The following NELL1 variants were observed in gnomAD, a reference collection of about 807,000 sequenced individuals.
The protein encoded by NELL1 is neural EGFL like 1.
Under a neutral mutation model 107.4 loss-of-function variants are expected in NELL1, and 76 were observed. That is an observed-to-expected ratio of 0.71 (90% CI 0.59 to 0.86). The LOEUF (loss-of-function observed/expected upper bound fraction) is 0.86. NELL1 is among the 40% of genes least tolerant of loss of function. The pLI is 0.00. For missense variants in NELL1, 1,024 were observed against 1,005.5 expected (o/e 1.02, Z -0.25); for synonymous variants, 353 against 341.2 (o/e 1.03, Z -0.38).
chr11:21,394,194 AT>A (rs773488609), intron 15 of NELL1, among the ~76,000 whole-genome samples: 2 of 151,576 alleles, frequency 1.3e-5, no homozygotes, highest in East Asian at 2.0e-4. Flanking sequence ...CCAATTTGCT[AT>A]TTAAAAAATC....
At chr11:20,970,628 G>A (rs1851480059) in intron 12 of NELL1, among the ~76,000 whole-genome samples, 1 of 152,152 alleles carries the variant, frequency 6.6e-6, no homozygotes, top group Non-Finnish European at 1.5e-5. Context: ...GCAAGAAGAG[G>A]TATGCAGGAA....
In NELL1 at chr11:20,818,987, C is replaced by T. The variant is rs745469538; in HGVS notation, c.336-28596C>T. Among the ~76,000 whole-genome samples the T allele has an allele frequency of 2.6e-5, 4 of 152,190 alleles. No homozygotes were observed. In the East Asian group the frequency reaches 7.7e-4, roughly 29 times the overall value. On this transcript the variant is annotated intron_variant, in intron 3 of 19. Coordinates refer to ENST00000357134, the MANE Select transcript of NELL1 (RefSeq NM_006157.5). ...AGGAAACTGAAGCACAGATTGTTGGCTGCTTTGCCAAGAGTCACCCAGCTA... is the reference window on the plus strand; with the variant it reads ...AGGAAACTGAAGCACAGATTGTTGGTTGCTTTGCCAAGAGTCACCCAGCTA...
intron 9 of NELL1, among the ~76,000 whole-genome samples, chr11:20,929,843 G>A (rs889131946): frequency 9.2e-5 from 14 of 151,996 alleles, no homozygotes; most frequent in Non-Finnish European, 1.6e-4. Context: ...GTGGTGGTGG[G>A]CACCTGTAAT....
intron 8 of NELL1, among the ~76,000 whole-genome samples, chr11:20,927,872 T>G (rs991874731): frequency 1.3e-5 from 2 of 152,244 alleles, no homozygotes; most frequent in South Asian, 2.1e-4. Flanking sequence ...TTGCAAGGCA[T>G]TTCCTCCCTG....
intron 2 of NELL1, among the ~76,000 whole-genome samples, chr11:20,740,849 C>G (rs1437715966): frequency 6.6e-6 from 1 of 151,974 alleles, no homozygotes; most frequent in Non-Finnish European, 1.5e-5. Flanking sequence ...TGGATTCAAA[C>G]TCCTGGGCCC....
At chr11:20,957,903 TGAGAGC>T (rs1851210538) in intron 11 of NELL1, among the ~76,000 whole-genome samples, 2 of 151,844 alleles carry the variant, frequency 1.3e-5, no homozygotes, top group Non-Finnish European at 2.9e-5. Context: ...ATAACACAGA[TGAGAGC>T]TTGAGAAGAA....
intron 13 of NELL1, among the ~76,000 whole-genome samples, chr11:21,156,427 G>C (rs935889172): frequency 1.3e-5 from 2 of 152,146 alleles, no homozygotes; most frequent in African/African-American, 4.8e-5. Flanking sequence ...GAGTTTAAGT[G>C]ATGGACAGTG....
chr11:21,472,280 T>TGAA (rs1394552170), intron 15 of NELL1, among the ~76,000 whole-genome samples: 6 of 152,072 alleles, frequency 3.9e-5, no homozygotes, highest in African/African-American at 1.2e-4. Context: ...CAAACCCTCC[T>TGAA]CTGCCTCCAG....
Position 20,669,628 on chromosome 11 carries a change from G to A in NELL1, c.-96G>A, listed in dbSNP as rs1853842744. The A allele has an allele frequency of 2.7e-6, 3 of 1,093,080 alleles. No homozygotes were observed. Among genetic ancestry groups the A allele is most frequent in the Admixed American group, 3.8e-5 (2 of 53,322 alleles). 67.7% of individuals were successfully genotyped at this position (1,093,080 alleles called of 1,614,324 possible). A position where few individuals can be genotyped will look rare whatever the true frequency, so the allele number is the denominator to read the frequency against. The stretch of plus-strand genomic sequence containing the variant: ...CACCTCCCCCGCCGCCCGCTAGCAA[G>A]TTTGGCGGCTCCAAGCCAGGCGCGC... On this transcript the variant is annotated 5_prime_UTR_variant, in exon 1 of 20. Coordinates refer to ENST00000357134, the MANE Select transcript of NELL1 (RefSeq NM_006157.5). This position sits in a 1 kb window ranked among gnomAD's most constrained non-coding sequence, Gnocchi z 4.4.
At chr11:21,063,467 C>T (rs1421687283) in intron 12 of NELL1, among the ~76,000 whole-genome samples, 1 of 152,200 alleles carries the variant, frequency 6.6e-6, no homozygotes, top group African/African-American at 2.4e-5. Context: ...TAATTATAGG[C>T]TTCTTCTTTT....
chr11:20,962,248 T>G (rs1259934831), intron 12 of NELL1, among the ~76,000 whole-genome samples: 1 of 152,116 alleles, frequency 6.6e-6, no homozygotes, highest in Non-Finnish European at 1.5e-5. Flanking sequence ...TGTTTAGATC[T>G]TCCCTTATGC....
At chr11:20,895,043 G>A (rs1018755750) in intron 5 of NELL1, among the ~76,000 whole-genome samples, 8 of 149,162 alleles carry the variant, frequency 5.4e-5, no homozygotes, top group African/African-American at 1.5e-4. Flanking sequence ...AGGCCGAGGC[G>A]GGCGGATCAC....
chr11:20,703,557 G>A (rs1854855492), intron 2 of NELL1, among the ~76,000 whole-genome samples: 2 of 152,116 alleles, frequency 1.3e-5, no homozygotes, highest in African/African-American at 4.8e-5. Flanking sequence ...TGTTGAATGT[G>A]TTTGCTCTTG....
chr11:21,096,299 C>T (rs1054772332), intron 12 of NELL1, among the ~76,000 whole-genome samples: 4 of 152,150 alleles, frequency 2.6e-5, no homozygotes, highest in Non-Finnish European at 5.9e-5. Flanking sequence ...AAAAAACGTC[C>T]CCTACATCCT....
At chr11:21,200,996 G>A (rs1439201039) in intron 13 of NELL1, among the ~76,000 whole-genome samples, 1 of 152,166 alleles carries the variant, frequency 6.6e-6, no homozygotes, top group Non-Finnish European at 1.5e-5. Context: ...CTATATATCT[G>A]TTTTGGTACC....
chr11:20,824,974 C>T (rs865915724), intron 3 of NELL1, among the ~76,000 whole-genome samples: 4 of 151,362 alleles, frequency 2.6e-5, no homozygotes, highest in Middle Eastern at 3.4e-3. Context: ...TGTCAGAGAC[C>T]TTAGCAGCAG....
intron 15 of NELL1, among the ~76,000 whole-genome samples, chr11:21,433,421 A>G (rs1293202274): frequency 6.6e-6 from 1 of 152,102 alleles, no homozygotes; most frequent in East Asian, 1.9e-4. Flanking sequence ...GGTCATAGGT[A>G]GTTTTATTTT....
intron 4 of NELL1, among the ~76,000 whole-genome samples, chr11:20,859,778 G>C (rs1848945268): frequency 7.0e-6 from 1 of 142,732 alleles, no homozygotes; most frequent in African/African-American, 2.5e-5. Flanking sequence ...ATGTACTAGA[G>C]CCTGCAGGAA....
intron 13 of NELL1, among the ~76,000 whole-genome samples, chr11:21,161,014 C>CAT (rs1203515838): frequency 6.7e-6 from 1 of 150,220 alleles, no homozygotes; most frequent in East Asian, 2.1e-4. Context: ...CACACACACA[C>CAT]ACACACACAC....
Sources: allele counts gnomAD v4.1 joint callset (sites outside exome capture counted in the v4.1 genomes callset), GRCh38; gene constraint gnomAD v4.1.1; non-coding constraint Gnocchi (gnomAD v3.1); transcripts MANE v1.5; gene names NCBI Gene and HGNC (gene_info 2026-07-23, HGNC 2026-07-21).